NELL1: variants seen among roughly 807,000 people sequenced by gnomAD.
The protein encoded by NELL1 is neural EGFL like 1, also known as protein kinase C-binding protein NELL1.
A neutral mutation model predicts 107.4 loss-of-function variants in NELL1; 76 were observed. The ratio of observed to expected loss-of-function variants is 0.71; its 90% CI spans 0.59 to 0.86. NELL1 has a LOEUF of 0.86. NELL1 is among the 40% of genes least tolerant of loss of function. The pLI is 0.00. For synonymous variants in NELL1, 353 were observed against 341.2 expected, an observed-to-expected ratio of 1.03 and a Z score of -0.38; for missense variants, 1,024 against 1,005.5, an observed-to-expected ratio of 1.02 and a Z score of -0.25.
chr11:21,341,932 A>C (rs1850577361), intron 14 of NELL1, among the ~76,000 whole-genome samples: 1 of 152,184 alleles, frequency 6.6e-6, no homozygotes, highest in Non-Finnish European at 1.5e-5. Flanking sequence ...TTAGTGGTTC[A>C]CATAAACTTG....
chr11:21,518,061 GAATCATAAACCCTAGTGC>G lies in NELL1; in HGVS notation c.1646-16312_1646-16295del, dbSNP rs542581801. On this transcript the variant is annotated intron_variant, in intron 15 of 19. Transcript: ENST00000357134. ...ACAAAACGGCATAAATGCTCTTTGG[GAATCATAAACCCTAGTGC>G]TTCTATCTGTTAAGAGTTCTTGAAT... is the stretch of plus-strand genomic sequence containing the variant. 3.2e-4 allele frequency among the ~76,000 whole-genome samples: 49 copies of G among 151,204 alleles called. No homozygotes were observed. The South Asian group carries it at 7.5e-3, about 23-fold the overall frequency.
intron 13 of NELL1, among the ~76,000 whole-genome samples, chr11:21,114,041 C>T (rs1205840332): frequency 3.3e-5 from 5 of 151,926 alleles, no homozygotes; most frequent in Non-Finnish European, 7.4e-5. Context: ...ATTTTCGTTG[C>T]ATCATGATGA....
intron 2 of NELL1, among the ~76,000 whole-genome samples, chr11:20,719,866 C>T (rs1345284020): frequency 1.3e-5 from 2 of 150,598 alleles, no homozygotes; most frequent in Non-Finnish European, 3.0e-5. Flanking sequence ...ATTTTGAGTA[C>T]CACAAACCTA....
chr11:21,135,135 T>C (rs1210330756), intron 13 of NELL1, among the ~76,000 whole-genome samples: 1 of 152,196 alleles, frequency 6.6e-6, no homozygotes, highest in African/African-American at 2.4e-5. Flanking sequence ...ACCTTTATCA[T>C]TGTGATATTT....
At chr11:20,992,100 C>T (rs1207803903) in intron 12 of NELL1, among the ~76,000 whole-genome samples, 2 of 151,708 alleles carry the variant, frequency 1.3e-5, no homozygotes, top group Non-Finnish European at 2.9e-5. Context: ...ATACAGGCTG[C>T]TTAATACATA....
chr11:20,728,236 T>C (rs561902342), intron 2 of NELL1, among the ~76,000 whole-genome samples: 1 of 152,312 alleles, frequency 6.6e-6, no homozygotes, highest in South Asian at 2.1e-4. Context: ...GTTGTGAATA[T>C]TGTCTCCTGT....
intron 3 of NELL1, among the ~76,000 whole-genome samples, chr11:20,786,102 G>A (rs1856949917): frequency 6.6e-6 from 1 of 150,758 alleles, no homozygotes; most frequent in Admixed American, 6.6e-5. Flanking sequence ...TGTAATCCCG[G>A]CACTTTGGGA....
chr11:21,382,852 T>A (rs1438210773), intron 15 of NELL1, among the ~76,000 whole-genome samples: 1 of 151,842 alleles, frequency 6.6e-6, no homozygotes, highest in Non-Finnish European at 1.5e-5. Context: ...ACTGTGAAAG[T>A]CAAGAGTTTG....
intron 2 of NELL1, among the ~76,000 whole-genome samples, chr11:20,767,979 A>ACT (rs1856566993): frequency 1.3e-5 from 2 of 152,096 alleles, no homozygotes; most frequent in Admixed American, 1.3e-4. Flanking sequence ...AGAGAGAGAG[A>ACT]CTTAGGGGGA....
At position 21,058,850 on chromosome 11, in the gene NELL1, T is replaced by G. The variant is rs186135192; in HGVS notation, c.1301-54739T>G. ...GAGGGACTAGCTTAGCTGTGGGACT[T>G]CCCACAGATTTATAGAACCTAATTT... On this transcript the variant is annotated intron_variant, in intron 12 of 19. Coordinates refer to ENST00000357134, the MANE Select transcript of NELL1 (RefSeq NM_006157.5). Among the ~76,000 whole-genome samples the G allele has an allele frequency of 2.5e-3, 379 of 152,026 alleles. 1 individual carries two copies. The highest frequency in any genetic ancestry group is 6.8e-3 in the Middle Eastern group (2 of 294).
chr11:20,781,360 T>G (rs1397926905), intron 2 of NELL1, among the ~76,000 whole-genome samples: 3 of 152,166 alleles, frequency 2.0e-5, no homozygotes, highest in Non-Finnish European at 4.4e-5. Flanking sequence ...CATTACAATT[T>G]GAAATGCTTG....
At chr11:21,045,504 A>G (rs74410840) in intron 12 of NELL1, among the ~76,000 whole-genome samples, 3,092 of 152,322 alleles carry the variant, frequency 0.02, 116 homozygotes, top group African/African-American at 0.069. Context: ...AACACTGCAT[A>G]CTATTCTATC....
intron 4 of NELL1, among the ~76,000 whole-genome samples, chr11:20,874,298 C>T (rs557716086): frequency 1.3e-5 from 2 of 152,230 alleles, no homozygotes; most frequent in South Asian, 2.1e-4. Context: ...GAACTCCTGA[C>T]CTCAGGTGAT....
At chr11:21,137,978 C>T (rs1565078372) in intron 13 of NELL1, among the ~76,000 whole-genome samples, 1 of 152,116 alleles carries the variant, frequency 6.6e-6, no homozygotes, top group Non-Finnish European at 1.5e-5. Flanking sequence ...TAAGGTTTCT[C>T]CCTGGAGGGA....
intron 14 of NELL1, among the ~76,000 whole-genome samples, chr11:21,304,264 T>C (rs1590820268): frequency 6.6e-6 from 1 of 152,034 alleles, no homozygotes; most frequent in Non-Finnish European, 1.5e-5. Flanking sequence ...TCTAAATGCG[T>C]CCTATGTATT....
intron 17 of NELL1, among the ~76,000 whole-genome samples, chr11:21,569,124 T>C (rs947279779): frequency 1.3e-5 from 2 of 151,740 alleles, no homozygotes; most frequent in Admixed American, 1.3e-4. Context: ...GACAGGAATT[T>C]TTCAGCTTCA....
chr11:20,696,243 T>G (rs1030841132), intron 2 of NELL1, among the ~76,000 whole-genome samples: 3 of 152,110 alleles, frequency 2.0e-5, no homozygotes, highest in African/African-American at 7.2e-5. Flanking sequence ...GTTTCATTGA[T>G]TCTTTGGGTG....
chr11:21,317,213 A>C (rs1403467392), intron 14 of NELL1, among the ~76,000 whole-genome samples: 1 of 151,978 alleles, frequency 6.6e-6, no homozygotes, highest in African/African-American at 2.4e-5. Flanking sequence ...TAATTGTAGT[A>C]GCTATATACT....
intron 2 of NELL1, among the ~76,000 whole-genome samples, chr11:20,739,101 A>G (rs1039448393): frequency 6.6e-6 from 1 of 152,256 alleles, no homozygotes; most frequent in Non-Finnish European, 1.5e-5. Flanking sequence ...AGTGCTCAGT[A>G]ATCATGCTGT....
Sources: allele counts gnomAD v4.1 joint callset (sites outside exome capture counted in the v4.1 genomes callset), GRCh38; gene constraint gnomAD v4.1.1; transcripts MANE v1.5; gene names NCBI Gene and HGNC (gene_info 2026-07-23, HGNC 2026-07-21).